ZNF765: variants seen among roughly 807,000 people sequenced by gnomAD.
ZNF765 encodes zinc finger protein 765.
A neutral mutation model predicts 44.7 loss-of-function variants in ZNF765; 37 were observed. That is an observed-to-expected ratio of 0.83 (90% CI 0.64 to 1.09). The LOEUF (loss-of-function observed/expected upper bound fraction) is 1.09. Ranked by LOEUF, ZNF765 falls within the 50% of genes least tolerant of loss-of-function variation. The pLI, the probability that ZNF765 is intolerant of heterozygous loss-of-function variation, is 0.00. For synonymous variants in ZNF765, 201 were observed against 213.7 expected (o/e 0.94, Z 0.52); for missense variants, 594 against 626.1 (o/e 0.95, Z 0.55).
chr19:53,414,426 CCCT>C (rs1288063096), downstream of ZNF765, among the ~76,000 whole-genome samples: 14 of 61,386 alleles, frequency 2.3e-4, no homozygotes, highest in Non-Finnish European at 5.2e-4. Context: ...GATGGACTGA[CCCT>C]CCCCACCACA....
chr19:53,397,371 G>A (rs1030888167), intron 1 of ZNF765, among the ~76,000 whole-genome samples: 4 of 152,104 alleles, frequency 2.6e-5, no homozygotes, highest in East Asian at 1.9e-4. Context: ...TTTATGATGC[G>A]GTTAAGCGTG....
chr19:53,398,275 G>A (rs2085690177), intron 2 of ZNF765, among the ~76,000 whole-genome samples: 1 of 152,232 alleles, frequency 6.6e-6, no homozygotes, highest in Non-Finnish European at 1.5e-5. Flanking sequence ...CATGGATGGA[G>A]ATGGGGTGAG....
chr19:53,412,123 G>T, downstream of ZNF765: 1 of 290,524 alleles, frequency 3.4e-6, no homozygotes, highest in Non-Finnish European at 6.7e-6. Context: ...TCCAGGAAAG[G>T]CATTCCATTT....
rs1270851278 is a variant in ZNF765 at position 53,408,887 on chromosome 19, C to T, written c.1332C>T (p.Asp444=). The T allele has an allele frequency of 6.2e-7, 1 of 1,613,432 alleles. No homozygotes were observed. The highest frequency in any genetic ancestry group is 8.5e-7 in the Non-Finnish European group (1 of 1,179,862). The change falls in exon 4 of 4, where the codon GAC becomes GAT. Residue 444 remains aspartate, a synonymous_variant. Coordinates refer to ENST00000396408, the MANE Select transcript of ZNF765 (RefSeq NM_001040185.3). ...AACCTTACAAATGTGAAGAATGTGA[C>T]AAAGCCTACAGTTTCAAATCAAACC... ...GEKPYKCEEC[D]KAYSFKSNLE... is the part of the protein sequence containing the mutation.
At chr19:53,417,045 T>G (rs1358898287) in intron 3 of ZNF765, among the ~76,000 whole-genome samples, 1 of 152,164 alleles carries the variant, frequency 6.6e-6, no homozygotes, top group Non-Finnish European at 1.5e-5. Context: ...CCCTAACTCT[T>G]GACCTCAGGT....
intron 3 of ZNF765, among the ~76,000 whole-genome samples, chr19:53,402,895 A>C (rs1369315764): frequency 1.3e-5 from 2 of 152,072 alleles, no homozygotes; most frequent in African/African-American, 4.8e-5. Context: ...GCATATGTGC[A>C]GCTGGGCATG....
At chr19:53,403,801 C>A (rs1025048627) in intron 3 of ZNF765, among the ~76,000 whole-genome samples, 3 of 151,394 alleles carry the variant, frequency 2.0e-5, no homozygotes, top group Non-Finnish European at 4.4e-5. Flanking sequence ...GAGATTGTGC[C>A]ACTGCCCTCC....
intron 2 of ZNF765, chr19:53,401,792 T>G: frequency 1.4e-6 from 1 of 728,316 alleles, no homozygotes; most frequent in Non-Finnish European, 2.2e-6. Context: ...AGGAGAATCG[T>G]TTGATCCTGG....
chr19:53,403,540 C>T (rs1028906804), intron 3 of ZNF765, among the ~76,000 whole-genome samples: 12 of 152,306 alleles, frequency 7.9e-5, no homozygotes, highest in Middle Eastern at 3.4e-3. Context: ...CAGCCGGCTC[C>T]GCCTTTCAGG....
chr19:53,416,530 T>C (rs1176938267), downstream of ZNF765, among the ~76,000 whole-genome samples: 3 of 152,150 alleles, frequency 2.0e-5, no homozygotes, highest in African/African-American at 7.2e-5. Context: ...CCTACAACAT[T>C]ATAGGACCAG....
chr19:53,425,138 A>T (rs1356948891), exon 4 of ZNF765: 1 of 152,258 alleles, frequency 6.6e-6, no homozygotes, highest in Non-Finnish European at 1.5e-5. Context: ...ACAGCGGCCA[A>T]CAGGCTGTGG....
intron 3 of ZNF765, among the ~76,000 whole-genome samples, chr19:53,403,290 T>TA (rs370938852): frequency 5.7e-4 from 87 of 152,366 alleles, no homozygotes; most frequent in African/African-American, 1.9e-3. Flanking sequence ...ATTAAATACT[T>TA]ACAGTTGAAG....
exon 4 of ZNF765, chr19:53,427,118 A>T (rs981131310): frequency 7.6e-6 from 1 of 132,264 alleles, no homozygotes; most frequent in Non-Finnish European, 1.6e-5. Context: ...AAGGACCCTC[A>T]TACGGCTGAC....
In ZNF765 at chr19:53,410,909, T is replaced by C; in HGVS notation, c.*1782T>C. On this transcript the variant is annotated 3_prime_UTR_variant, in exon 4 of 4. Transcript: ENST00000396408. ...TCACTAGACATCAGAGAATGCATACTGGACAGAAATCTTATAAATGTCATC... is the reference window on the plus strand; with the variant it reads ...TCACTAGACATCAGAGAATGCATACCGGACAGAAATCTTATAAATGTCATC... 2.3e-6 allele frequency: 1 copy of C among 443,642 alleles called. No individual in the cohort carries two copies. Among genetic ancestry groups the C allele is most frequent in the South Asian group, 1.7e-5 (1 of 58,872 alleles). The allele number at this position is 443,642 out of a possible 1,614,324, so 27.5% of individuals were successfully genotyped here. A position where few individuals can be genotyped will look rare whatever the true frequency, so the allele number is the denominator to read the frequency against.
At chr19:53,413,110 CAAAAA>C (rs975343952), downstream of ZNF765, 12 of 317,932 alleles carry the variant, frequency 3.8e-5, no homozygotes, top group African/African-American at 4.6e-4. Flanking sequence ...AACTTTGTCT[CAAAAA>C]GAAAAAAAAA....
chr19:53,421,557 C>A (rs528769063), intron 3 of ZNF765, among the ~76,000 whole-genome samples: 1 of 152,022 alleles, frequency 6.6e-6, no homozygotes, highest in Non-Finnish European at 1.5e-5. Flanking sequence ...TCTTGTTACC[C>A]GGGCTGGAGT....
chr19:53,399,165 A>G (rs2085698332), intron 2 of ZNF765, among the ~76,000 whole-genome samples: 1 of 151,778 alleles, frequency 6.6e-6, no homozygotes, highest in African/African-American at 2.4e-5. Context: ...TACATGTGCC[A>G]TATTGGTGTG....
chr19:53,403,103 C>T (rs2085743768), intron 3 of ZNF765, among the ~76,000 whole-genome samples: 1 of 151,452 alleles, frequency 6.6e-6, no homozygotes, highest in South Asian at 2.1e-4. Context: ...TCAGAGGTTG[C>T]AGTGAGCCAA....
rs2147098397 is a variant in ZNF765 at position 53,408,767 on chromosome 19, T to G, written c.1212T>G (p.Leu404=). The G allele has an allele frequency of 6.2e-7, 1 of 1,613,734 alleles. No homozygotes were observed. The highest frequency in any genetic ancestry group is 2.2e-5 in the East Asian group (1 of 44,826). The change falls in exon 4 of 4, where the codon CTT becomes CTG. Residue 404 remains leucine (L), a synonymous_variant. Coordinates refer to ENST00000396408, the MANE Select transcript of ZNF765 (RefSeq NM_001040185.3). The stretch of plus-strand genomic sequence containing the variant: ...CATCTCTTACATACCATCGTAGACT[T>G]CATACTGAAGAGAAACCTTACAAGT... ...HKSSLTYHRR[L]HTEEKPYKCN...
Sources: gnomAD v4.1 joint callset for allele counts (sites outside exome capture counted in the v4.1 genomes callset) on GRCh38, gnomAD v4.1.1 for gene constraint, MANE v1.5 for transcripts, NCBI Gene and HGNC (gene_info 2026-07-23, HGNC 2026-07-21) for gene names.